KALRN: variants seen among roughly 807,000 people sequenced by gnomAD.
KALRN encodes kalirin.
KALRN carries 70 observed loss-of-function variants against 353.7 expected under a neutral mutation model. The ratio of observed to expected loss-of-function variants is 0.20; its 90% CI spans 0.16 to 0.24. The LOEUF (loss-of-function observed/expected upper bound fraction) is 0.24, where lower values mean the gene tolerates loss of function less well. KALRN is among the 10% of genes least tolerant of loss of function. The pLI, the probability that KALRN is intolerant of heterozygous loss-of-function variation, is 1.00. For missense variants in KALRN, 2,791 were observed against 3,756.7 expected (o/e 0.74, Z 6.72); for synonymous variants, 1,391 against 1,434.8 (o/e 0.97, Z 0.69).
intron 34 of KALRN, among the ~76,000 whole-genome samples, chr3:124,623,427 C>CACACACACACACACACACACACACACA (rs139583497): frequency 1.4e-5 from 2 of 147,014 alleles, no homozygotes; most frequent in East Asian, 2.0e-4. Flanking sequence ...CACACACACA[C>CACACACACACACACACACACACACACA]AAAAGGGAGT....
At chr3:124,144,742 A>G (rs1003079944) in intron 1 of KALRN, among the ~76,000 whole-genome samples, 1 of 151,686 alleles carries the variant, frequency 6.6e-6, no homozygotes, top group Non-Finnish European at 1.5e-5. Context: ...CTGCAGCATT[A>G]CCACAGCAGC....
chr3:124,658,884 G>A (rs1326543501), intron 42 of KALRN, among the ~76,000 whole-genome samples: 2 of 152,212 alleles, frequency 1.3e-5, no homozygotes, highest in African/African-American at 4.8e-5. Context: ...GTTGGTTGAA[G>A]GGTTTGCAGC....
chr3:124,447,738 C>T (rs1449444732), intron 21 of KALRN, among the ~76,000 whole-genome samples: 1 of 152,184 alleles, frequency 6.6e-6, no homozygotes, highest in Non-Finnish European at 1.5e-5. Flanking sequence ...TTTGGTGTGA[C>T]AAATTAGGCC....
intron 52 of KALRN, among the ~76,000 whole-genome samples, chr3:124,694,088 G>C (rs1340048910): frequency 6.6e-6 from 1 of 151,976 alleles, no homozygotes; most frequent in Middle Eastern, 3.2e-3. Flanking sequence ...AATTATCTCT[G>C]GATTATGACA....
chr3:124,097,822 A>C (rs542735051), intron 1 of KALRN, among the ~76,000 whole-genome samples: 1 of 152,346 alleles, frequency 6.6e-6, no homozygotes, highest in East Asian at 1.9e-4. Flanking sequence ...GCTTGTTCAG[A>C]CATTATTTTG....
intron 1 of KALRN, among the ~76,000 whole-genome samples, chr3:124,207,885 C>T (rs2076547887): frequency 6.6e-6 from 1 of 152,206 alleles, no homozygotes; most frequent in African/African-American, 2.4e-5. Context: ...CTTGGGAAGG[C>T]AGGAGCTGAA....
intron 13 of KALRN, chr3:124,407,565 C>T (rs2091702838): frequency 6.6e-6 from 1 of 152,076 alleles, no homozygotes; most frequent in South Asian, 2.1e-4. Flanking sequence ...GATGTGTTTC[C>T]TATTCATGAC....
chr3:124,690,397 C>A (rs1205358763), intron 51 of KALRN, among the ~76,000 whole-genome samples: 2 of 152,094 alleles, frequency 1.3e-5, no homozygotes, highest in African/African-American at 2.4e-5. Context: ...TCTTCTATGA[C>A]CGTAGTCCAG....
At chr3:124,317,079 C>T (rs2078881795) in intron 6 of KALRN, among the ~76,000 whole-genome samples, 1 of 152,148 alleles carries the variant, frequency 6.6e-6, no homozygotes, top group Admixed American at 6.5e-5. Flanking sequence ...CGGAGCTAGG[C>T]TATTCTGGAA....
At chr3:124,495,665 G>A (rs1176593584) in intron 32 of KALRN, among the ~76,000 whole-genome samples, 2 of 146,400 alleles carry the variant, frequency 1.4e-5, no homozygotes, top group African/African-American at 2.5e-5. Flanking sequence ...TTGAGGTGAA[G>A]GTTGCAGTGA....
intron 14 of KALRN, among the ~76,000 whole-genome samples, chr3:124,414,536 G>C (rs112572512): frequency 1.1e-4 from 16 of 152,324 alleles, no homozygotes; most frequent in African/African-American, 3.4e-4. Flanking sequence ...GAGTTACTCA[G>C]ATTTAACTTC....
intron 1 of KALRN, among the ~76,000 whole-genome samples, chr3:124,117,301 T>C (rs2063541694): frequency 6.6e-6 from 1 of 151,274 alleles, no homozygotes; most frequent in South Asian, 2.1e-4. Context: ...GAATTTCTTT[T>C]ATGGAAAAGA....
chr3:124,176,986 T>A (rs544364938), intron 1 of KALRN, among the ~76,000 whole-genome samples: 1 of 152,146 alleles, frequency 6.6e-6, no homozygotes, highest in Non-Finnish European at 1.5e-5. Context: ...GAGAGGCCCA[T>A]TGGGTCCCAA....
chr3:124,405,689 G>T (rs946479057), intron 13 of KALRN, among the ~76,000 whole-genome samples: 4 of 136,692 alleles, frequency 2.9e-5, no homozygotes. Context: ...TGTCAGCCAG[G>T]CTGGAGTGCA....
intron 1 of KALRN, chr3:124,163,654 A>AG: frequency 2.0e-6 from 2 of 984,560 alleles, no homozygotes; most frequent in Non-Finnish European, 2.4e-6. Flanking sequence ...AAGGCTATAA[A>AG]GGTAGAAGAA....
At chr3:124,558,346 C>T (rs958031390) in intron 33 of KALRN, among the ~76,000 whole-genome samples, 1 of 151,986 alleles carries the variant, frequency 6.6e-6, no homozygotes, top group African/African-American at 2.4e-5. Flanking sequence ...GGCATGATCT[C>T]GGCTCACTGC....
chr3:124,669,782 C>T (rs35052310), intron 47 of KALRN, among the ~76,000 whole-genome samples: 18,730 of 152,142 alleles, frequency 0.12, 1,257 homozygotes, highest in African/African-American at 0.16. Flanking sequence ...ATAGTGTTTG[C>T]ATATGACCTG....
intron 1 of KALRN, among the ~76,000 whole-genome samples, chr3:124,125,173 T>C (rs2064500745): frequency 6.6e-6 from 1 of 152,190 alleles, no homozygotes; most frequent in South Asian, 2.1e-4. Flanking sequence ...ATGGGTTATC[T>C]CATTTGGAAT....
chr3:124,666,689 C>A (rs1164714829), intron 46 of KALRN, 55 bp downstream of exon 46: 2 of 1,458,210 alleles, frequency 1.4e-6, no homozygotes, highest in Non-Finnish European at 1.9e-6. Context: ...TTCTTGGGAG[C>A]TGCTTCCCTA....
Sources: gnomAD v4.1 joint callset for allele counts (sites outside exome capture counted in the v4.1 genomes callset) on GRCh38, gnomAD v4.1.1 for gene constraint, MANE v1.5 for transcripts, NCBI Gene and HGNC (gene_info 2026-07-23, HGNC 2026-07-21) for gene names.